Variants in AKT3 observed in about 807,000 individuals in gnomAD.
AKT3 encodes the protein RAC-gamma serine/threonine-protein kinase.
Under a neutral mutation model 65.3 loss-of-function variants are expected in AKT3, and 15 were observed. The observed-to-expected ratio is 0.23, with a 90% confidence interval of 0.15 to 0.35. The LOEUF (loss-of-function observed/expected upper bound fraction) is 0.35. AKT3 is among the 10% of genes least tolerant of loss of function. The probability of loss-of-function intolerance (pLI) is 1.00; values close to 1 mark genes in which losing one functional copy is unlikely to be tolerated. For synonymous variants in AKT3, 206 were observed against 183.8 expected (o/e 1.12, Z -0.98); for missense variants, 243 against 576.5 (o/e 0.42, Z 5.92).
At chr1:243,616,325 A>AAC (rs926175795) in intron 6 of AKT3, among the ~76,000 whole-genome samples, 2 of 150,434 alleles carry the variant, frequency 1.3e-5, no homozygotes, top group African/African-American at 4.9e-5. Flanking sequence ...AAAAAAAAAA[A>AAC]AAAAAAAGCT....
At chr1:243,578,389 T>C (rs1675098542) in intron 8 of AKT3, among the ~76,000 whole-genome samples, 1 of 152,098 alleles carries the variant, frequency 6.6e-6, no homozygotes, top group South Asian at 2.1e-4. Flanking sequence ...TGCAGGGACA[T>C]GAATGGAGCT....
chr1:243,589,317 A>AG lies in AKT3; in HGVS notation c.697-16270_697-16269insC, dbSNP rs1355897292. 1.8e-3 allele frequency among the ~76,000 whole-genome samples: 264 copies of AG among 147,816 alleles called. 3 individuals are homozygous for AG. The highest frequency in any genetic ancestry group is 7.7e-3 in the East Asian group (39 of 5,062). Reference sequence around the variant, plus strand: ...GCAAAACTCCATCTCAAAAAAAAAAAAAAAAAAGAAAAAAAAAGAAAAAAG... The same window carrying AG: ...GCAAAACTCCATCTCAAAAAAAAAAAGAAAAAAAGAAAAAAAAAGAAAAAAG... On this transcript the variant is annotated intron_variant, in intron 8 of 13. Coordinates refer to ENST00000673466, the MANE Select transcript of AKT3 (RefSeq NM_005465.7).
chr1:243,620,980 T>C (rs1319184631), intron 6 of AKT3, among the ~76,000 whole-genome samples: 2 of 152,158 alleles, frequency 1.3e-5, no homozygotes, highest in Non-Finnish European at 2.9e-5. Context: ...CACAAACATA[T>C]TGACTAACAC....
intron 8 of AKT3, among the ~76,000 whole-genome samples, chr1:243,589,547 G>A (rs1251439314): frequency 6.6e-6 from 1 of 152,108 alleles, no homozygotes. Context: ...TGCTGGTGAG[G>A]ATGTGGAGAA....
intron 2 of AKT3, among the ~76,000 whole-genome samples, chr1:243,791,527 A>G (rs1249371993): frequency 2.0e-5 from 3 of 152,248 alleles, no homozygotes; most frequent in Non-Finnish European, 4.4e-5. Flanking sequence ...ATTAAGTAAA[A>G]TGGTTTTGTA....
intron 6 of AKT3, among the ~76,000 whole-genome samples, chr1:243,631,048 G>A (rs780532645): frequency 1.3e-5 from 2 of 151,466 alleles, no homozygotes; most frequent in Admixed American, 1.3e-4. Context: ...GCAATAAAAC[G>A]AGTCACACTA....
chr1:243,540,845 C>A (rs1054744094), intron 12 of AKT3, among the ~76,000 whole-genome samples: 6 of 152,106 alleles, frequency 3.9e-5, no homozygotes, highest in Non-Finnish European at 8.8e-5. Flanking sequence ...CGAGGAATGT[C>A]CCTCCCTGTG....
At chr1:243,585,955 A>G (rs1426351672) in intron 8 of AKT3, among the ~76,000 whole-genome samples, 4 of 152,160 alleles carry the variant, frequency 2.6e-5, no homozygotes, top group African/African-American at 9.7e-5. Context: ...AACCTACAGA[A>G]TGGGATAAAA....
chr1:243,734,940 A>G (rs914951418), intron 2 of AKT3: 1 of 151,322 alleles, frequency 6.6e-6, no homozygotes, highest in Admixed American at 6.6e-5. Context: ...ATAAACATAC[A>G]TATTAGCCTA....
At chr1:243,679,096 A>G (rs1274432181) in intron 3 of AKT3, among the ~76,000 whole-genome samples, 2 of 152,160 alleles carry the variant, frequency 1.3e-5, no homozygotes, top group Non-Finnish European at 2.9e-5. Flanking sequence ...AATAGCAAAT[A>G]TATTTTCTCT....
At chr1:243,793,062 G>A (rs1026031343) in intron 2 of AKT3, 5 of 152,190 alleles carry the variant, frequency 3.3e-5, no homozygotes, top group Admixed American at 6.5e-5. Context: ...CCGAAGTGAA[G>A]CAGCAGCACT....
intron 2 of AKT3, among the ~76,000 whole-genome samples, chr1:243,699,512 T>A (rs1030188133): frequency 1.6e-4 from 20 of 126,598 alleles, no homozygotes; most frequent in African/African-American, 6.0e-4. Context: ...TATATATATA[T>A]AATCTTCATG....
intron 3 of AKT3, among the ~76,000 whole-genome samples, chr1:243,671,131 T>A (rs1683130905): frequency 6.7e-6 from 1 of 148,482 alleles, no homozygotes; most frequent in South Asian, 2.1e-4. Context: ...CAGGCTGGAG[T>A]GCAGTGGCGC....
chr1:243,623,026 T>C (rs1678881269), intron 6 of AKT3, among the ~76,000 whole-genome samples: 1 of 152,222 alleles, frequency 6.6e-6, no homozygotes, highest in South Asian at 2.1e-4. Flanking sequence ...TCTTCAGAAC[T>C]GGCGCCGTTG....
chr1:243,767,462 TTTA>T (rs1171988973), intron 2 of AKT3, among the ~76,000 whole-genome samples: 11 of 152,174 alleles, frequency 7.2e-5, no homozygotes, highest in African/African-American at 1.4e-4. Context: ...TAACCTCAAT[TTTA>T]TTATTTTTAT....
intron 8 of AKT3, among the ~76,000 whole-genome samples, chr1:243,573,509 A>T (rs1425170204): frequency 6.6e-6 from 1 of 152,188 alleles, no homozygotes; most frequent in Non-Finnish European, 1.5e-5. Context: ...TATATTCTAC[A>T]ATTTTTGATT....
chr1:243,584,568 A>C (rs1388503482), intron 8 of AKT3, among the ~76,000 whole-genome samples: 1 of 152,196 alleles, frequency 6.6e-6, no homozygotes, highest in Non-Finnish European at 1.5e-5. Flanking sequence ...GAATTGAAAA[A>C]CACATCAAAA....
At chr1:243,640,824 G>A (rs1255555507) in intron 5 of AKT3, among the ~76,000 whole-genome samples, 1 of 152,182 alleles carries the variant, frequency 6.6e-6, no homozygotes, top group Non-Finnish European at 1.5e-5. Flanking sequence ...ATTGTTTTAA[G>A]ACATTAAATT....
chr1:243,778,205 C>T (rs1357930926), intron 2 of AKT3, among the ~76,000 whole-genome samples: 2 of 152,134 alleles, frequency 1.3e-5, no homozygotes, highest in African/African-American at 2.4e-5. Context: ...TACATTAATG[C>T]TTTTCTACTG....
Sources: allele counts gnomAD v4.1 joint callset (sites outside exome capture counted in the v4.1 genomes callset), GRCh38; gene constraint gnomAD v4.1.1; transcripts MANE v1.5; gene names NCBI Gene and HGNC (gene_info 2026-07-23, HGNC 2026-07-21).